KIRREL3: variants seen among roughly 807,000 people sequenced by gnomAD.
KIRREL3 encodes kirre like nephrin family adhesion molecule 3.
KIRREL3 carries 36 observed loss-of-function variants against 89.7 expected under a neutral mutation model. The ratio of observed to expected loss-of-function variants is 0.40; its 90% CI spans 0.31 to 0.53. The LOEUF (loss-of-function observed/expected upper bound fraction) is 0.53, where lower values mean the gene tolerates loss of function less well. Ranked by LOEUF, KIRREL3 falls within the 20% of genes least tolerant of loss-of-function variation. KIRREL3 has a pLI of 0.49. For missense variants in KIRREL3, 864 were observed against 1,056.6 expected (o/e 0.82, Z 2.53); for synonymous variants, 445 against 441.4 (o/e 1.01, Z -0.10).
chr11:126,823,741 G>A (rs1363812044), intron 1 of KIRREL3, among the ~76,000 whole-genome samples: 1 of 152,196 alleles, frequency 6.6e-6, no homozygotes, highest in African/African-American at 2.4e-5. Context: ...AACAAAAGAA[G>A]GGAGAGGGGA....
At chr11:126,845,942 GA>G (rs996199280) in intron 1 of KIRREL3, among the ~76,000 whole-genome samples, 16 of 151,926 alleles carry the variant, frequency 1.1e-4, no homozygotes, top group African/African-American at 2.2e-4. Flanking sequence ...TGTTTGGGGG[GA>G]AAAAACACAC....
intron 2 of KIRREL3, among the ~76,000 whole-genome samples, chr11:126,536,932 C>T (rs1937941761): frequency 6.6e-6 from 1 of 152,158 alleles, no homozygotes; most frequent in Admixed American, 6.5e-5. Flanking sequence ...AGGCATGAGC[C>T]ATTGCACCCA....
Position 126,978,433 on chromosome 11 carries a change from C to T in KIRREL3, c.55+22022G>A, listed in dbSNP as rs1335691130. Among the ~76,000 whole-genome samples, 1 of 152,174 alleles carries T rather than the reference C, an allele frequency of 6.6e-6. No homozygotes were observed. The highest frequency in any genetic ancestry group is 2.4e-5 in the African/African-American group (1 of 41,438). ...CCCAACCCCTGGCAGCAATTATGTC[C>T]TAAAGGAAAGTCCCCTGGTAACCTC... On this transcript the variant is annotated intron_variant, in intron 1 of 16. Coordinates refer to ENST00000525144, the MANE Select transcript of KIRREL3 (RefSeq NM_032531.4). The surrounding 1 kb of genome is among the most constrained non-coding windows in gnomAD (Gnocchi z 4.2).
chr11:126,458,997 C>T (rs969935670), intron 6 of KIRREL3, among the ~76,000 whole-genome samples: 1 of 152,170 alleles, frequency 6.6e-6, no homozygotes, highest in Non-Finnish European at 1.5e-5. Context: ...AGAACATGGA[C>T]ACTCAGGGAG....
rs562423141 is a variant in KIRREL3, at chr11:126,883,896, G to A, written c.55+116559C>T. ...GAGGTGGAGACATAGGTTTTGAATC[G>A]ATACAAAGAACTTTCTGATCACTGG... On this transcript the variant is annotated intron_variant, in intron 1 of 16. Transcript: ENST00000525144. This position sits in a 1 kb window ranked among gnomAD's most constrained non-coding sequence, Gnocchi z 4.1. 3.3e-5 allele frequency among the ~76,000 whole-genome samples: 5 copies of A among 152,254 alleles called. No individual in the cohort carries two copies. Among genetic ancestry groups the A allele is most frequent in the African/African-American group, 4.8e-5 (2 of 41,548 alleles).
chr11:126,468,478 C>T (rs1216456842), intron 5 of KIRREL3, among the ~76,000 whole-genome samples: 1 of 152,246 alleles, frequency 6.6e-6, no homozygotes, highest in Non-Finnish European at 1.5e-5. Flanking sequence ...CATGGCCAGC[C>T]TGTGCTGGGG....
At position 126,976,088 on chromosome 11, in the gene KIRREL3, C is replaced by T. The variant is rs890165073; in HGVS notation, c.55+24367G>A. ...GTGCCATGGGGGTGTTAGCATCTTC[C>T]AGATGAACACATCGCTTTCTACAGA... is the stretch of plus-strand genomic sequence containing the variant. On this transcript the variant is annotated intron_variant, in intron 1 of 16. Coordinates refer to ENST00000525144, the MANE Select transcript of KIRREL3 (RefSeq NM_032531.4). The surrounding 1 kb of genome is among the most constrained non-coding windows in gnomAD (Gnocchi z 4.2). Among the ~76,000 whole-genome samples the T allele has an allele frequency of 6.6e-6, 1 of 151,914 alleles. No individual in the cohort carries two copies. Among genetic ancestry groups the T allele is most frequent in the South Asian group, 2.1e-4 (1 of 4,810 alleles).
In KIRREL3 at chr11:126,594,838, C is replaced by A. The variant is rs1470914994; in HGVS notation, c.56-31926G>T. Among the ~76,000 whole-genome samples the A allele has an allele frequency of 6.6e-6, 1 of 152,260 alleles. No homozygotes were observed. Among genetic ancestry groups the A allele is most frequent in the African/African-American group, 2.4e-5 (1 of 41,472 alleles). ...CGATGGAACCTGCATTTGGGAGCTG[C>A]TCGATCTTTTCTGTTAGCATTTCCG... is the stretch of plus-strand genomic sequence containing the variant. On this transcript the variant is annotated intron_variant, in intron 1 of 16. Transcript: ENST00000525144. The surrounding 1 kb of genome is among the most constrained non-coding windows in gnomAD (Gnocchi z 5.0).
At position 126,647,589 on chromosome 11, in the gene KIRREL3, A is replaced by G. The variant is rs982711835; in HGVS notation, c.56-84677T>C. ...TACAGCGAAGATCAAATCTGTCAGC[A>G]AATCCCTTTGGTTCTTCCTTCAAAG... On this transcript the variant is annotated intron_variant, in intron 1 of 16. Transcript: ENST00000525144. This position sits in a 1 kb window ranked among gnomAD's most constrained non-coding sequence, Gnocchi z 4.9. 6.6e-6 allele frequency among the ~76,000 whole-genome samples: 1 copy of G among 152,240 alleles called. No homozygotes were observed. Among genetic ancestry groups the G allele is most frequent in the African/African-American group, 2.4e-5 (1 of 41,464 alleles).
rs368499956 is a variant in KIRREL3 at position 126,697,001 on chromosome 11, A to G, written c.56-134089T>C. Among the ~76,000 whole-genome samples, 5 of 152,136 alleles carry G rather than the reference A, an allele frequency of 3.3e-5. No individual in the cohort carries two copies. The highest frequency in any genetic ancestry group is 1.3e-4 in the Admixed American group (2 of 15,282). ...AAACATGACAAAAAAAATGCACTAA[A>G]TAAGTGTCATCTCCTTCCTTTCCAG... is the stretch of plus-strand genomic sequence containing the variant. On this transcript the variant is annotated intron_variant, in intron 1 of 16. Coordinates refer to ENST00000525144, the MANE Select transcript of KIRREL3 (RefSeq NM_032531.4). This position sits in a 1 kb window ranked among gnomAD's most constrained non-coding sequence, Gnocchi z 4.2.
At chr11:126,573,798 C>T (rs1378478944) in intron 1 of KIRREL3, among the ~76,000 whole-genome samples, 1 of 152,142 alleles carries the variant, frequency 6.6e-6, no homozygotes, top group Non-Finnish European at 1.5e-5. Context: ...CAGTCTCTCC[C>T]ACTTCAGGTC....
rs1940176370 is a variant in KIRREL3, at chr11:126,562,190, T to C, written c.133+645A>G. Among the ~76,000 whole-genome samples, 1 of 152,194 alleles carries C rather than the reference T, an allele frequency of 6.6e-6. No individual in the cohort carries two copies. The highest frequency in any genetic ancestry group is 1.5e-5 in the Non-Finnish European group (1 of 68,048). On this transcript the variant is annotated intron_variant, in intron 2 of 16. Transcript: ENST00000525144. The surrounding 1 kb of genome is among the most constrained non-coding windows in gnomAD (Gnocchi z 4.7). The stretch of plus-strand genomic sequence containing the variant: ...AGGGATGGAGAGGATTGGTTCTTTA[T>C]TACAGCAGACCCGTAAGTGACAGCA...
At position 126,574,487 on chromosome 11, in the gene KIRREL3, A is replaced by G. The variant is rs1941147669; in HGVS notation, c.56-11575T>C. On this transcript the variant is annotated intron_variant, in intron 1 of 16. Coordinates refer to ENST00000525144, the MANE Select transcript of KIRREL3 (RefSeq NM_032531.4). The surrounding 1 kb of genome is among the most constrained non-coding windows in gnomAD (Gnocchi z 5.3). The stretch of plus-strand genomic sequence containing the variant: ...ATTCTGAGCCACCAGCCATCACTCA[A>G]TAAGAACATGAAAGTTTATTTACCA... Among the ~76,000 whole-genome samples the G allele has an allele frequency of 6.6e-6, 1 of 152,212 alleles. No individual in the cohort carries two copies. The highest frequency in any genetic ancestry group is 6.5e-5 in the Admixed American group (1 of 15,286).
intron 1 of KIRREL3, among the ~76,000 whole-genome samples, chr11:126,671,923 A>G (rs1029520283): frequency 1.3e-5 from 2 of 152,212 alleles, no homozygotes; most frequent in African/African-American, 2.4e-5. Context: ...GCAGTCCTAG[A>G]TATTTACCCA....
intron 1 of KIRREL3, among the ~76,000 whole-genome samples, chr11:126,753,948 T>G (rs538298096): frequency 6.6e-6 from 1 of 152,302 alleles, no homozygotes; most frequent in Non-Finnish European, 1.5e-5. Context: ...GGTGTTGGAA[T>G]GGTTTATGTG....
Position 126,955,448 on chromosome 11 carries a change from G to A in KIRREL3, c.55+45007C>T, listed in dbSNP as rs775072677. The stretch of plus-strand genomic sequence containing the variant: ...GTGCTTTGGAAGAAATGCCCTGGCC[G>A]CCCATGGGCCGGGATCTTCCTAGCC... On this transcript the variant is annotated intron_variant, in intron 1 of 16. Coordinates refer to ENST00000525144, the MANE Select transcript of KIRREL3 (RefSeq NM_032531.4). This position sits in a 1 kb window ranked among gnomAD's most constrained non-coding sequence, Gnocchi z 4.6. Among the ~76,000 whole-genome samples the A allele has an allele frequency of 7.9e-5, 12 of 152,146 alleles. No homozygotes were observed. The highest frequency in any genetic ancestry group is 1.6e-4 in the Non-Finnish European group (11 of 68,008).
At position 126,424,568 on chromosome 11, in the gene KIRREL3, G is replaced by A. The variant is rs757514909; in HGVS notation, c.*12C>T. The A allele has an allele frequency of 9.3e-6, 15 of 1,612,300 alleles. No homozygotes were observed. The highest frequency in any genetic ancestry group is 1.8e-4 in the Middle Eastern group (1 of 5,542). On this transcript the variant is annotated 3_prime_UTR_variant, in exon 17 of 17. Coordinates refer to ENST00000525144, the MANE Select transcript of KIRREL3 (RefSeq NM_032531.4). ...TCTTCCCTGGCCCGTCCCCACCCGCGGTGTGTGATCCTTAGACGTGAGTCT... is the reference window on the plus strand; with the variant it reads ...TCTTCCCTGGCCCGTCCCCACCCGCAGTGTGTGATCCTTAGACGTGAGTCT...
chr11:126,486,977 C>G lies in KIRREL3; in HGVS notation c.434-13511G>C, dbSNP rs140391817. 6.6e-6 allele frequency among the ~76,000 whole-genome samples: 1 copy of G among 152,128 alleles called. No individual in the cohort carries two copies. The highest frequency in any genetic ancestry group is 1.5e-5 in the Non-Finnish European group (1 of 68,026). ...CCATCCGGTAAATCCACCTCCTCAA[C>G]GAGCCTCATAGTTTCAGTAAGGACG... On this transcript the variant is annotated intron_variant, in intron 4 of 16. Transcript: ENST00000525144. The surrounding 1 kb of genome is among the most constrained non-coding windows in gnomAD (Gnocchi z 6.2).
At chr11:126,469,420 T>C (rs956573121) in intron 5 of KIRREL3, among the ~76,000 whole-genome samples, 1 of 145,446 alleles carries the variant, frequency 6.9e-6, no homozygotes, top group African/African-American at 2.5e-5. Flanking sequence ...TGTTGGCCTA[T>C]GGCAGGGCTC....
Sources: allele counts gnomAD v4.1 joint callset (sites outside exome capture counted in the v4.1 genomes callset), GRCh38; gene constraint gnomAD v4.1.1; non-coding constraint Gnocchi (gnomAD v3.1); transcripts MANE v1.5; gene names NCBI Gene and HGNC (gene_info 2026-07-23, HGNC 2026-07-21).